Variants in LHFPL2 observed in about 807,000 individuals in gnomAD.
The protein encoded by LHFPL2 is LHFPL tetraspan subfamily member 2 protein.
LHFPL2 carries 7 observed loss-of-function variants against 17.5 expected under a neutral mutation model. The observed-to-expected ratio is 0.40, with a 90% CI of 0.23 to 0.75. The LOEUF (loss-of-function observed/expected upper bound fraction) is 0.75. Among genes scored for constraint, LHFPL2 ranks in the 30% least tolerant of loss-of-function variants. LHFPL2 has a pLI of 0.37. For synonymous variants in LHFPL2, 134 were observed against 116.2 expected, an observed-to-expected ratio of 1.15 and a Z score of -0.99; for missense variants, 241 against 294.8, an observed-to-expected ratio of 0.82 and a Z score of 1.34.
chr5:78,642,591 T>A (rs1221377815), intron 1 of LHFPL2, among the ~76,000 whole-genome samples: 2 of 152,066 alleles, frequency 1.3e-5, no homozygotes, highest in Admixed American at 6.6e-5. Flanking sequence ...TTAGTAAACC[T>A]CAACACGCCA....
At chr5:78,526,684 T>C (rs1472621896) in intron 3 of LHFPL2, among the ~76,000 whole-genome samples, 1 of 152,228 alleles carries the variant, frequency 6.6e-6, no homozygotes, top group Non-Finnish European at 1.5e-5. Flanking sequence ...TGAGCCCAAG[T>C]TGGGTCCACA....
At chr5:78,543,844 C>T (rs192686386) in intron 3 of LHFPL2, among the ~76,000 whole-genome samples, 7 of 152,294 alleles carry the variant, frequency 4.6e-5, no homozygotes, top group East Asian at 3.9e-4. Flanking sequence ...CATTGCTGCA[C>T]GTGAACTAAA....
chr5:78,534,480 T>C (rs1156355626), intron 3 of LHFPL2, among the ~76,000 whole-genome samples: 1 of 152,200 alleles, frequency 6.6e-6, no homozygotes, highest in Non-Finnish European at 1.5e-5. Context: ...CCCGTGTCTA[T>C]GACTCCCCCA....
intron 2 of LHFPL2, among the ~76,000 whole-genome samples, chr5:78,593,418 G>T (rs1178877031): frequency 1.3e-5 from 2 of 152,006 alleles, no homozygotes; most frequent in Non-Finnish European, 2.9e-5. Flanking sequence ...GGACTTAAAG[G>T]CCCCAGCTGT....
chr5:78,528,996 T>C (rs751352717), intron 3 of LHFPL2, among the ~76,000 whole-genome samples: 9 of 152,168 alleles, frequency 5.9e-5, no homozygotes, highest in Non-Finnish European at 1.0e-4. Context: ...CTTTAAAACT[T>C]TTCCCAGGTA....
intron 2 of LHFPL2, among the ~76,000 whole-genome samples, chr5:78,597,713 T>G (rs1743875620): frequency 6.6e-6 from 1 of 152,224 alleles, no homozygotes; most frequent in Admixed American, 6.5e-5. Flanking sequence ...TAGTATTCAA[T>G]GAACACTTAC....
In LHFPL2 at chr5:78,584,865, G is replaced by A. The variant is rs547881022; in HGVS notation, c.-244-19994C>T. On this transcript the variant is annotated intron_variant, in intron 2 of 4. Transcript: ENST00000380345. ...TACCTAAGCAAGCCTGGGCAATGGCGGGCACCCCTCCCCCAGCCTCGCTGC... is the reference window on the plus strand; with the variant it reads ...TACCTAAGCAAGCCTGGGCAATGGCAGGCACCCCTCCCCCAGCCTCGCTGC... Among the ~76,000 whole-genome samples, 50 of 152,184 alleles carry A rather than the reference G, an allele frequency of 3.3e-4. 1 individual carries two copies. In the East Asian group the frequency reaches 7.3e-3, roughly 22 times the overall value.
intron 3 of LHFPL2, among the ~76,000 whole-genome samples, chr5:78,529,294 T>C (rs1755710666): frequency 6.6e-6 from 1 of 152,074 alleles, no homozygotes; most frequent in African/African-American, 2.4e-5. Context: ...TCTAAATAAA[T>C]AATAAGAATT....
intron 2 of LHFPL2, among the ~76,000 whole-genome samples, chr5:78,571,663 C>T (rs1168643873): frequency 6.6e-6 from 1 of 152,188 alleles, no homozygotes; most frequent in African/African-American, 2.4e-5. Flanking sequence ...TCATCCCTTG[C>T]TTCATTCAAA....
intron 4 of LHFPL2, among the ~76,000 whole-genome samples, chr5:78,503,080 C>T (rs748535460): frequency 4.6e-5 from 7 of 152,100 alleles, no homozygotes; most frequent in Non-Finnish European, 8.8e-5. Flanking sequence ...TGTGGCTGAC[C>T]GCGCTGTAGG....
intron 3 of LHFPL2, among the ~76,000 whole-genome samples, chr5:78,542,534 A>G (rs1158595080): frequency 2.0e-5 from 3 of 152,110 alleles, no homozygotes; most frequent in Non-Finnish European, 4.4e-5. Flanking sequence ...GTTCCAGCCA[A>G]ATGGATTTCC....
chr5:78,599,084 C>T (rs1743918148), intron 2 of LHFPL2, among the ~76,000 whole-genome samples: 1 of 152,146 alleles, frequency 6.6e-6, no homozygotes, highest in South Asian at 2.1e-4. Flanking sequence ...TGTTGGTCTG[C>T]CTATGTCCCC....
chr5:78,626,879 G>A (rs904525598), intron 2 of LHFPL2, among the ~76,000 whole-genome samples: 31 of 151,834 alleles, frequency 2.0e-4, no homozygotes, highest in African/African-American at 7.0e-4. Context: ...TCAGGAGTTC[G>A]AGACCAGCCT....
chr5:78,601,326 C>T (rs1045660572), intron 2 of LHFPL2, among the ~76,000 whole-genome samples: 1 of 152,128 alleles, frequency 6.6e-6, no homozygotes, highest in African/African-American at 2.4e-5. Context: ...ATGATTCAGC[C>T]ATGTTCACAG....
At chr5:78,603,783 A>G (rs1304267724) in intron 2 of LHFPL2, among the ~76,000 whole-genome samples, 1 of 152,252 alleles carries the variant, frequency 6.6e-6, no homozygotes, top group Non-Finnish European at 1.5e-5. Flanking sequence ...TATTTATGCC[A>G]GCTTCAAACT....
intron 2 of LHFPL2, among the ~76,000 whole-genome samples, chr5:78,579,846 T>C (rs2112440381): frequency 2.0e-5 from 3 of 152,366 alleles, no homozygotes; most frequent in Middle Eastern, 6.8e-3. Flanking sequence ...TATAGTCTTT[T>C]GGGTATATAC....
At chr5:78,545,133 C>T (rs1756231863) in intron 3 of LHFPL2, among the ~76,000 whole-genome samples, 4 of 152,136 alleles carry the variant, frequency 2.6e-5, no homozygotes, top group Admixed American at 2.6e-4. Flanking sequence ...GCGGATCATA[C>T]ACTTTCACAG....
Position 78,509,998 on chromosome 5 carries a change from C to T in LHFPL2, c.216G>A (p.Gly72=), listed in dbSNP as rs1442090258. 1.4e-5 allele frequency: 22 copies of T among 1,613,482 alleles called. No homozygotes were observed. The highest frequency in any genetic ancestry group is 1.9e-5 in the Non-Finnish European group (22 of 1,179,846). Residue 72 remains glycine, a synonymous_variant, in exon 4 of 5, where the codon GGG becomes GGA. Transcript: ENST00000380345. The part of the protein sequence containing the change: ...GIYARCIRNP[G]VQHFQRDTLC... ...GCGTGTCCCGCTGGAAGTGCTGCAC[C>T]CCTGGGTTCCGGATGCAGCGGGCGT...
intron 2 of LHFPL2, among the ~76,000 whole-genome samples, chr5:78,582,064 T>C (rs1561350239): frequency 6.6e-6 from 1 of 152,266 alleles, no homozygotes; most frequent in Non-Finnish European, 1.5e-5. Flanking sequence ...CTAGATTTTC[T>C]GGTTTATTTG....
Sources: gnomAD v4.1 joint callset for allele counts (sites outside exome capture counted in the v4.1 genomes callset) on GRCh38, gnomAD v4.1.1 for gene constraint, MANE v1.5 for transcripts, NCBI Gene and HGNC (gene_info 2026-07-23, HGNC 2026-07-21) for gene names.